The following TBCK variants were observed in gnomAD, a reference collection of about 807,000 sequenced individuals.
The protein encoded by TBCK is TBC1 domain containing kinase, also known as TBC domain-containing protein kinase-like protein.
A neutral mutation model predicts 113.4 loss-of-function variants in TBCK; 99 were observed. The observed-to-expected ratio is 0.87, with a 90% CI of 0.74 to 1.03. TBCK has a LOEUF of 1.03. Ranked by LOEUF, TBCK falls within the 50% of genes least tolerant of loss-of-function variation. The pLI, the probability that TBCK is intolerant of heterozygous loss-of-function variation, is 0.00. For missense variants in TBCK, 1,045 were observed against 1,061.3 expected (o/e 0.98, Z 0.21); for synonymous variants, 369 against 370.8 (o/e 1.00, Z 0.05).
At chr4:106,181,977 A>G (rs903581473) in intron 22 of TBCK, among the ~76,000 whole-genome samples, 4 of 152,148 alleles carry the variant, frequency 2.6e-5, no homozygotes, top group South Asian at 2.1e-4. Flanking sequence ...TATTTTCACA[A>G]TATTGATTCT....
At chr4:106,068,377 C>G (rs1345454424) in intron 25 of TBCK, among the ~76,000 whole-genome samples, 1 of 152,082 alleles carries the variant, frequency 6.6e-6, no homozygotes. Context: ...GTTCAATTCC[C>G]ACCTATGAGT....
intron 25 of TBCK, among the ~76,000 whole-genome samples, chr4:106,086,697 A>C (rs376626178): frequency 2.6e-5 from 4 of 152,240 alleles, no homozygotes; most frequent in East Asian, 3.8e-4. Flanking sequence ...AATACTGGCA[A>C]ACCCAATCCA....
chr4:106,123,925 C>T (rs1237075712), intron 23 of TBCK, among the ~76,000 whole-genome samples: 1 of 150,804 alleles, frequency 6.6e-6, no homozygotes, highest in African/African-American at 2.4e-5. Flanking sequence ...CATTACCATT[C>T]AGGACATAGG....
At position 106,147,672 on chromosome 4, in the gene TBCK, AAGCCG is replaced by A. The variant is rs1407660457; in HGVS notation, c.2235+23418_2235+23422del. Among the ~76,000 whole-genome samples, 6 of 152,068 alleles carry A rather than the reference AAGCCG, an allele frequency of 3.9e-5. 1 individual carries two copies. Among genetic ancestry groups the A allele is most frequent in the Admixed American group, 2.0e-4 (3 of 15,280 alleles). ...TAATCTCTTAATCCTGTCATCTCAT[AAGCCG>A]AGGAGGATGTATGTCCCCTCAGGAC... On this transcript the variant is annotated intron_variant, in intron 23 of 25. Transcript: ENST00000394708.
intron 2 of TBCK, among the ~76,000 whole-genome samples, chr4:106,305,082 C>G (rs1767368821): frequency 6.6e-6 from 1 of 152,064 alleles, no homozygotes; most frequent in Admixed American, 6.6e-5. Context: ...CTCCTGTTAA[C>G]CAGCCTTTTA....
intron 23 of TBCK, among the ~76,000 whole-genome samples, chr4:106,132,821 AT>A (rs1390576923): frequency 3.3e-5 from 5 of 152,340 alleles, no homozygotes; most frequent in African/African-American, 1.2e-4. Flanking sequence ...TTAAAGTTTA[AT>A]GACTGCCTTA....
intron 25 of TBCK, among the ~76,000 whole-genome samples, chr4:106,095,195 G>A (rs1346683875): frequency 6.6e-6 from 1 of 152,180 alleles, no homozygotes; most frequent in Admixed American, 6.5e-5. Context: ...TTCTCCAGTG[G>A]AGGGAATTCA....
At chr4:106,197,505 G>C (rs7442226) in intron 20 of TBCK, among the ~76,000 whole-genome samples, 27 of 150,238 alleles carry the variant, frequency 1.8e-4, no homozygotes, top group Non-Finnish European at 3.1e-4. Context: ...ATGCCAAGAA[G>C]AGTTCATTTT....
intron 5 of TBCK, among the ~76,000 whole-genome samples, chr4:106,255,260 A>G (rs1360321521): frequency 1.3e-5 from 2 of 152,236 alleles, no homozygotes; most frequent in African/African-American, 2.4e-5. Flanking sequence ...CTCTGTGGCC[A>G]GTGGTGCCTT....
intron 25 of TBCK, among the ~76,000 whole-genome samples, chr4:106,069,526 CATG>C (rs1737107093): frequency 6.6e-6 from 1 of 152,150 alleles, no homozygotes; most frequent in Non-Finnish European, 1.5e-5. Context: ...GTACCAGTAC[CATG>C]ATGTTTTGGT....
chr4:106,108,670 C>T (rs1578916318), intron 24 of TBCK, among the ~76,000 whole-genome samples: 1 of 152,298 alleles, frequency 6.6e-6, no homozygotes, highest in East Asian at 1.9e-4. Context: ...GGGGCAAAAG[C>T]TGGAAGCATT....
chr4:106,203,698 A>G (rs1349138997), intron 20 of TBCK, among the ~76,000 whole-genome samples: 3 of 152,036 alleles, frequency 2.0e-5, no homozygotes, highest in Non-Finnish European at 4.4e-5. Flanking sequence ...GATCTACATT[A>G]TCATTTTTGG....
chr4:106,211,837 T>G (rs1756172627), intron 20 of TBCK, among the ~76,000 whole-genome samples: 2 of 152,082 alleles, frequency 1.3e-5, no homozygotes, highest in South Asian at 4.1e-4. Flanking sequence ...TACACTAAAT[T>G]CTATTTTATG....
intron 3 of TBCK, among the ~76,000 whole-genome samples, chr4:106,289,673 C>G (rs2125823561): frequency 6.7e-6 from 1 of 149,526 alleles, no homozygotes; most frequent in East Asian, 2.0e-4. Context: ...GAGGCTGAGA[C>G]AGAAGAATCA....
intron 23 of TBCK, among the ~76,000 whole-genome samples, chr4:106,125,541 C>G (rs1745092910): frequency 1.3e-5 from 2 of 152,054 alleles, no homozygotes; most frequent in Admixed American, 1.3e-4. Flanking sequence ...AGAATGAAAT[C>G]CTATCATTTT....
At chr4:106,266,161 T>C (rs1762972689) in intron 3 of TBCK, among the ~76,000 whole-genome samples, 1 of 151,740 alleles carries the variant, frequency 6.6e-6, no homozygotes, top group Non-Finnish European at 1.5e-5. Flanking sequence ...AGATTTTATG[T>C]AAAAGCACAA....
intron 20 of TBCK, among the ~76,000 whole-genome samples, chr4:106,209,097 T>C (rs1755845697): frequency 6.6e-6 from 1 of 152,166 alleles, no homozygotes; most frequent in African/African-American, 2.4e-5. Context: ...GCTGGCAAAG[T>C]GACACTGAAA....
intron 25 of TBCK, among the ~76,000 whole-genome samples, chr4:106,066,857 G>A (rs568400040): frequency 5.4e-4 from 82 of 152,042 alleles, no homozygotes; most frequent in African/African-American, 1.9e-3. Flanking sequence ...TCAGAACTTC[G>A]TGTCTTTTTA....
chr4:106,242,651 A>G (rs1014133047), intron 11 of TBCK, 82 bp from the exon 12 acceptor site: 15 of 832,306 alleles, frequency 1.8e-5, no homozygotes, highest in Non-Finnish European at 2.7e-5. Flanking sequence ...ATTCTAAGTC[A>G]TCAATCCCTT....
Sources: gnomAD v4.1 joint callset for allele counts (sites outside exome capture counted in the v4.1 genomes callset) on GRCh38, gnomAD v4.1.1 for gene constraint, MANE v1.5 for transcripts, NCBI Gene and HGNC (gene_info 2026-07-23, HGNC 2026-07-21) for gene names.